The following HELQ variants were observed in gnomAD, a reference collection of about 807,000 sequenced individuals.
HELQ encodes the protein helicase POLQ-like.
Under a neutral mutation model 111.6 loss-of-function variants are expected in HELQ, and 77 were observed. The observed-to-expected ratio is 0.69, with a 90% confidence interval of 0.57 to 0.83. HELQ has a LOEUF of 0.83. Ranked by LOEUF, HELQ falls within the 40% of genes least tolerant of loss-of-function variation. The probability of loss-of-function intolerance (pLI) is 0.00; values close to 1 mark genes in which losing one functional copy is unlikely to be tolerated. For missense variants in HELQ, 1,200 were observed against 1,288.5 expected (o/e 0.93, Z 1.05); for synonymous variants, 438 against 454.7 (o/e 0.96, Z 0.47).
At chr4:83,417,969 T>A (rs1739452599) in intron 16 of HELQ, 124 bp downstream of exon 16, 8 of 507,872 alleles carry the variant, frequency 1.6e-5, no homozygotes, top group African/African-American at 2.0e-5. Flanking sequence ...AAGATTCCCA[T>A]GACAAATGAG....
chr4:83,435,475 T>A (rs1720399210), intron 9 of HELQ, among the ~76,000 whole-genome samples: 1 of 151,814 alleles, frequency 6.6e-6, no homozygotes, highest in Non-Finnish European at 1.5e-5. Flanking sequence ...AGTGTAAAAG[T>A]GTGAGGCCAA....
At chr4:83,408,552 CTTTTTT>C (rs546749656) in intron 17 of HELQ, among the ~76,000 whole-genome samples, 1 of 142,058 alleles carries the variant, frequency 7.0e-6, no homozygotes, top group Non-Finnish European at 1.5e-5. Flanking sequence ...TGCCCAGCCT[CTTTTTT>C]TTTTTTTAAT....
At chr4:83,424,580 A>G (rs576578913) in intron 14 of HELQ, among the ~76,000 whole-genome samples, 2 of 151,892 alleles carry the variant, frequency 1.3e-5, no homozygotes, top group South Asian at 4.2e-4. Flanking sequence ...TTTTTTTGAG[A>G]CAGAGTCTTG....
intron 14 of HELQ, 27 bp downstream of exon 14, chr4:83,425,967 T>C (rs1719825231): frequency 3.2e-6 from 4 of 1,261,026 alleles, no homozygotes; most frequent in Non-Finnish European, 4.6e-6. Context: ...GAACTTATTA[T>C]TTAGGAAGAA....
intron 1 of HELQ, 61 bp from the exon 2 acceptor site, chr4:83,454,006 C>A: frequency 9.7e-7 from 1 of 1,025,832 alleles, no homozygotes; most frequent in Non-Finnish European, 1.4e-6. Context: ...AAAAGCTTCA[C>A]CAGCCTGGCC....
intron 15 of HELQ, among the ~76,000 whole-genome samples, chr4:83,421,198 G>A (rs1443653427): frequency 6.6e-6 from 1 of 152,170 alleles, no homozygotes; most frequent in Non-Finnish European, 1.5e-5. Flanking sequence ...CCAAACACCT[G>A]ACATTTTTAT....
chr4:83,425,617 G>C (rs1473493149), intron 14 of HELQ, among the ~76,000 whole-genome samples: 1 of 152,098 alleles, frequency 6.6e-6, no homozygotes, highest in African/African-American at 2.4e-5. Flanking sequence ...GATGACAAAA[G>C]CAGTAACAAA....
At position 83,455,820 on chromosome 4, in the gene HELQ, T is replaced by G. The variant is rs925389100; in HGVS notation, c.-127A>C. 2.1e-6 allele frequency: 2 copies of G among 960,122 alleles called. No homozygotes were observed. The highest frequency in any genetic ancestry group is 1.5e-5 in the South Asian group (1 of 65,016). 59.5% of individuals were successfully genotyped at this position (960,122 alleles called of 1,614,324 possible). A position where few individuals can be genotyped will look rare whatever the true frequency, so the allele number is the denominator to read the frequency against. On this transcript the variant is annotated 5_prime_UTR_variant, in exon 1 of 18. Coordinates refer to ENST00000295488, the MANE Select transcript of HELQ (RefSeq NM_133636.5). ...CCTTGGGAAAAGACCCCAAGTTAGC[T>G]CTCAGGGCTCGCGGACCGGAAGCAC... is the stretch of plus-strand genomic sequence containing the variant.
intron 5 of HELQ, among the ~76,000 whole-genome samples, chr4:83,445,705 A>G (rs1721012462): frequency 6.6e-6 from 1 of 152,226 alleles, no homozygotes. Flanking sequence ...GTGTTAACTC[A>G]CACTATCCTT....
chr4:83,417,550 G>T (rs143977365), intron 16 of HELQ, among the ~76,000 whole-genome samples: 73 of 152,202 alleles, frequency 4.8e-4, no homozygotes, highest in African/African-American at 1.7e-3. Flanking sequence ...GGGACCACTG[G>T]TGTCTCTCTC....
intron 17 of HELQ, among the ~76,000 whole-genome samples, chr4:83,411,153 G>A (rs1578060804): frequency 4.2e-5 from 4 of 96,328 alleles, no homozygotes; most frequent in Middle Eastern, 6.9e-3. Context: ...GGGAGACCTT[G>A]TCTCAAAAAA....
intron 2 of HELQ, among the ~76,000 whole-genome samples, chr4:83,450,674 A>T (rs895239399): frequency 2.0e-5 from 3 of 151,974 alleles, no homozygotes; most frequent in African/African-American, 4.8e-5. Context: ...CAAAAAAAAA[A>T]AAAAAAACTA....
chr4:83,416,457 G>A (rs1351211845), intron 17 of HELQ, among the ~76,000 whole-genome samples: 1 of 152,020 alleles, frequency 6.6e-6, no homozygotes, highest in Non-Finnish European at 1.5e-5. Flanking sequence ...CTGATTTCAA[G>A]CCATCCTCCC....
intron 16 of HELQ, among the ~76,000 whole-genome samples, chr4:83,417,589 C>G (rs565448049): frequency 2.0e-5 from 3 of 152,170 alleles, no homozygotes; most frequent in African/African-American, 7.2e-5. Flanking sequence ...CTAAGCAGAA[C>G]TCCTCTGACT....
In HELQ at chr4:83,429,589, T is replaced by C. The variant is rs755735927; in HGVS notation, c.2453A>G (p.Tyr818Cys). 2.0e-5 allele frequency: 33 copies of C among 1,612,874 alleles called. No homozygotes were observed. The highest frequency in any genetic ancestry group is 1.7e-4 in the Middle Eastern group (1 of 5,864). Residue 818 changes from tyrosine (Y) to cysteine (C), a missense_variant, in exon 12 of 18, where the codon TAT (tyrosine) becomes TGT (cysteine). Around this residue, in one of 3 missense-constraint regions of HELQ, gnomAD observed 585 missense variants for 665.3 expected, o/e 0.88. Coordinates refer to ENST00000295488, the MANE Select transcript of HELQ (RefSeq NM_133636.5). ...ATATTGGACCTCTTCTTCAGACTTA[T>C]AAATAGTGTCTTTTTGTAGGAGTCC... ...EKGLLQKDTIYKSEEEVQYNF... is the reference protein window; with the variant it reads ...EKGLLQKDTICKSEEEVQYNF...
In HELQ at chr4:83,453,180, A is replaced by G; in HGVS notation, c.1012+51T>C. The G allele has an allele frequency of 9.7e-7, 1 of 1,026,450 alleles. No homozygotes were observed. 63.6% of individuals were successfully genotyped at this position (1,026,450 alleles called of 1,614,324 possible). A position where few individuals can be genotyped will look rare whatever the true frequency, so the allele number is the denominator to read the frequency against. On this transcript the variant is annotated intron_variant, in intron 2 of 17. Transcript: ENST00000295488. ...TTTGCTTCTATTTACTTGCACTAAT[A>G]TTATGGTAATGATAGGAAAAAAATT...
chr4:83,450,202 G>A (rs1182054315), intron 2 of HELQ, among the ~76,000 whole-genome samples: 8 of 107,316 alleles, frequency 7.5e-5, no homozygotes, highest in Non-Finnish European at 1.2e-4. Flanking sequence ...ATCTATGTAT[G>A]TTCAATATAC....
chr4:83,450,305 G>C (rs902094784), intron 2 of HELQ, among the ~76,000 whole-genome samples: 2 of 137,906 alleles, frequency 1.5e-5, no homozygotes, highest in Non-Finnish European at 3.0e-5. Flanking sequence ...CCAGCACTTT[G>C]GGAGCCTAAG....
At chr4:83,440,127 T>G in intron 7 of HELQ, 119 bp from the exon 8 acceptor site, 1 of 684,130 alleles carries the variant, frequency 1.5e-6, no homozygotes, top group Non-Finnish European at 2.5e-6. Context: ...TCTAATTTAA[T>G]AAATCTGATC....
Sources: gnomAD v4.1 joint callset for allele counts (sites outside exome capture counted in the v4.1 genomes callset) on GRCh38, gnomAD v4.1.1 for gene constraint, gnomAD v4.1.1 regional missense constraint, MANE v1.5 for transcripts, NCBI Gene and HGNC (gene_info 2026-07-23, HGNC 2026-07-21) for gene names.